Variants in KIRREL3 observed in about 807,000 individuals in gnomAD.
KIRREL3 encodes the protein kirre like nephrin family adhesion molecule 3, also known as kin of IRRE-like protein 3.
A neutral mutation model predicts 89.7 loss-of-function variants in KIRREL3; 36 were observed. That is an observed-to-expected ratio of 0.40 (90% CI 0.31 to 0.53). The LOEUF is 0.53. Ranked by LOEUF, KIRREL3 falls within the 20% of genes least tolerant of loss-of-function variation. The pLI is 0.49. For missense variants in KIRREL3, 864 were observed against 1,056.6 expected (o/e 0.82, Z 2.53); for synonymous variants, 445 against 441.4 (o/e 1.01, Z -0.10).
In KIRREL3 at chr11:126,783,354, C is replaced by T. The variant is rs1565727830; in HGVS notation, c.55+217101G>A. ...TGGTCACATTGGATTAAGGGCTTACCTTACTCCAGTATGACTTCATCCTAA... is the reference window on the plus strand; with the variant it reads ...TGGTCACATTGGATTAAGGGCTTACTTTACTCCAGTATGACTTCATCCTAA... On this transcript the variant is annotated intron_variant, in intron 1 of 16. Transcript: ENST00000525144. The surrounding 1 kb of genome is among the most constrained non-coding windows in gnomAD (Gnocchi z 4.3). 6.6e-6 allele frequency among the ~76,000 whole-genome samples: 1 copy of T among 152,130 alleles called. No individual in the cohort carries two copies. Among genetic ancestry groups the T allele is most frequent in the Non-Finnish European group, 1.5e-5 (1 of 68,034 alleles).
rs919811530 is a variant in KIRREL3 at position 126,797,114 on chromosome 11, G to A, written c.55+203341C>T. On this transcript the variant is annotated intron_variant, in intron 1 of 16. Transcript: ENST00000525144. This position sits in a 1 kb window ranked among gnomAD's most constrained non-coding sequence, Gnocchi z 4.9. ...TTCAGATCCCCCAGAGCCCACATTCGGGGCCACCTGGAGTTAGCAAATCAG... is the reference window on the plus strand; with the variant it reads ...TTCAGATCCCCCAGAGCCCACATTCAGGGCCACCTGGAGTTAGCAAATCAG... Among the ~76,000 whole-genome samples, 6 of 152,140 alleles carry A rather than the reference G, an allele frequency of 3.9e-5. No homozygotes were observed. Among genetic ancestry groups the A allele is most frequent in the African/African-American group, 1.2e-4 (5 of 41,434 alleles).
In KIRREL3 at chr11:126,522,911, G is replaced by A. The variant is rs1591674390; in HGVS notation, c.284-1447C>T. Among the ~76,000 whole-genome samples the A allele has an allele frequency of 6.6e-6, 1 of 152,224 alleles. No homozygotes were observed. ...CCACACAGGGAGTGTTCTCAGACGGGTGCTGTAGGAGGATGAGACGGGACA... is the reference window on the plus strand; with the variant it reads ...CCACACAGGGAGTGTTCTCAGACGGATGCTGTAGGAGGATGAGACGGGACA... On this transcript the variant is annotated intron_variant, in intron 3 of 16. Transcript: ENST00000525144. The surrounding 1 kb of genome is among the most constrained non-coding windows in gnomAD (Gnocchi z 6.0).
intron 4 of KIRREL3, among the ~76,000 whole-genome samples, chr11:126,499,613 CG>C (rs575588248): frequency 5.4e-4 from 82 of 152,364 alleles, no homozygotes; most frequent in African/African-American, 1.9e-3. Flanking sequence ...AAGCATTGCA[CG>C]CCAAACATCC....
chr11:126,480,257 G>T (rs1381407412), intron 4 of KIRREL3, among the ~76,000 whole-genome samples: 2 of 152,172 alleles, frequency 1.3e-5, no homozygotes, highest in Non-Finnish European at 2.9e-5. Flanking sequence ...ATCTTGCAGG[G>T]TTATCATGAG....
chr11:126,858,038 C>T (rs970693250), intron 1 of KIRREL3, among the ~76,000 whole-genome samples: 2 of 152,196 alleles, frequency 1.3e-5, no homozygotes, highest in Non-Finnish European at 2.9e-5. Context: ...CCAGCCAGGT[C>T]CCCACTTACC....
chr11:126,424,858 G>A lies in KIRREL3; in HGVS notation c.2059C>T (p.Arg687Cys), dbSNP rs766786941. 23 of 1,613,808 alleles carry A rather than the reference G, an allele frequency of 1.4e-5. No homozygotes were observed. Among genetic ancestry groups the A allele is most frequent in the African/African-American group, 1.3e-4 (10 of 74,950 alleles). ...NIYSTLSGQGRLYDYGQRFVL... is the reference protein window; with the variant it reads ...NIYSTLSGQGCLYDYGQRFVL... ...AACCGCTGCCCGTAGTCGTAGAGGCGGCCCTGGCCGCTCAGGGTGCTGTAG... is the reference window on the plus strand; with the variant it reads ...AACCGCTGCCCGTAGTCGTAGAGGCAGCCCTGGCCGCTCAGGGTGCTGTAG... Residue 687 changes from arginine to cysteine, a missense_variant, in exon 17 of 17, where the codon CGC becomes TGC. Transcript: ENST00000525144.
At position 126,446,835 on chromosome 11, in the gene KIRREL3, G is replaced by C; in HGVS notation, c.1049C>G (p.Ser350Cys). 6.2e-7 allele frequency: 1 copy of C among 1,603,116 alleles called. No homozygotes were observed. Reference protein sequence around the residue: ...EPQSLLVDLGSDAIFSCAWTG... With the variant: ...EPQSLLVDLGCDAIFSCAWTG... The stretch of plus-strand genomic sequence containing the variant: ...CCAGGCGCAGCTGAAGATGGCATCA[G>C]AGCCCAGATCCACGAGCAAGGATTG... Residue 350 changes from serine (S) to cysteine (C), a missense_variant, in exon 9 of 17, where the codon TCT becomes TGT. By Grantham distance (112) the Ser-to-Cys change is moderately radical (BLOSUM62 -1). Transcript: ENST00000525144.
chr11:126,809,065 T>A (rs1282098050), intron 1 of KIRREL3, among the ~76,000 whole-genome samples: 1 of 152,180 alleles, frequency 6.6e-6, no homozygotes, highest in African/African-American at 2.4e-5. Context: ...CCTCTAATAA[T>A]AAACCCGCAA....
chr11:126,437,829 A>G (rs546437921), intron 11 of KIRREL3, among the ~76,000 whole-genome samples: 2 of 152,284 alleles, frequency 1.3e-5, no homozygotes, highest in East Asian at 3.9e-4. Flanking sequence ...ACTGCAACAC[A>G]TACACACATT....
In KIRREL3 at chr11:126,719,780, C is replaced by A. The variant is rs142443753; in HGVS notation, c.56-156868G>T. 2.4e-3 allele frequency among the ~76,000 whole-genome samples: 371 copies of A among 152,284 alleles called. No individual in the cohort carries two copies. The highest frequency in any genetic ancestry group is 4.0e-3 in the Non-Finnish European group (274 of 68,024). On this transcript the variant is annotated intron_variant, in intron 1 of 16. Transcript: ENST00000525144. The surrounding 1 kb of genome is among the most constrained non-coding windows in gnomAD (Gnocchi z 4.7). ...GACCACTTCTTACAACCTCTGCTGC[C>A]CCCACCCTGGTCCAAGACAGCATCA...
chr11:126,558,337 C>T lies in KIRREL3; in HGVS notation c.133+4498G>A, dbSNP rs1233697486. ...TCTCCCCTGATTTTCTGCAAATCAA[C>T]TCAAGTTTTCCCTGTGTTCTGCCCT... is the stretch of plus-strand genomic sequence containing the variant. On this transcript the variant is annotated intron_variant, in intron 2 of 16. Coordinates refer to ENST00000525144, the MANE Select transcript of KIRREL3 (RefSeq NM_032531.4). This position sits in a 1 kb window ranked among gnomAD's most constrained non-coding sequence, Gnocchi z 4.0. Among the ~76,000 whole-genome samples, 1 of 152,202 alleles carries T rather than the reference C, an allele frequency of 6.6e-6. No homozygotes were observed. Among genetic ancestry groups the T allele is most frequent in the Admixed American group, 6.5e-5 (1 of 15,290 alleles).
rs1950139256 is a variant in KIRREL3, at chr11:126,995,030, A to C, written c.55+5425T>G. The C allele has an allele frequency of 2.7e-6, 1 of 366,958 alleles. No homozygotes were observed. Among genetic ancestry groups the C allele is most frequent in the Non-Finnish European group, 5.4e-6 (1 of 185,576 alleles). 22.7% of individuals were successfully genotyped at this position (366,958 alleles called of 1,614,324 possible). A position where few individuals can be genotyped will look rare whatever the true frequency, so the allele number is the denominator to read the frequency against. On this transcript the variant is annotated intron_variant, in intron 1 of 16. Transcript: ENST00000525144. This position sits in a 1 kb window ranked among gnomAD's most constrained non-coding sequence, Gnocchi z 6.5. ...CTGTGTCTCGGTGCAGTCGATTCTC[A>C]CATCATTCCTCTAACTGGAAATAAA...
intron 1 of KIRREL3, among the ~76,000 whole-genome samples, chr11:126,826,491 C>G (rs1466647387): frequency 6.6e-6 from 1 of 152,146 alleles, no homozygotes; most frequent in Non-Finnish European, 1.5e-5. Flanking sequence ...CATTCTTTCT[C>G]TCCTGTGAAC....
chr11:126,953,263 C>T lies in KIRREL3; in HGVS notation c.55+47192G>A, dbSNP rs1415270437. Among the ~76,000 whole-genome samples the T allele has an allele frequency of 4.6e-5, 7 of 150,712 alleles. No individual in the cohort carries two copies. Among genetic ancestry groups the T allele is most frequent in the Non-Finnish European group, 8.8e-5 (6 of 67,888 alleles). ...AAACCAAATATCACATGTTCTCACTCATAAGTGGGTGTCGAACAATGAGAA... is the reference window on the plus strand; with the variant it reads ...AAACCAAATATCACATGTTCTCACTTATAAGTGGGTGTCGAACAATGAGAA... On this transcript the variant is annotated intron_variant, in intron 1 of 16. Coordinates refer to ENST00000525144, the MANE Select transcript of KIRREL3 (RefSeq NM_032531.4). This position sits in a 1 kb window ranked among gnomAD's most constrained non-coding sequence, Gnocchi z 5.2.
chr11:126,835,558 C>A (rs1216167426), intron 1 of KIRREL3, among the ~76,000 whole-genome samples: 2 of 152,114 alleles, frequency 1.3e-5, no homozygotes, highest in Non-Finnish European at 2.9e-5. Context: ...GTATTGGAGG[C>A]AGAATGAGAA....
At chr11:127,001,831 A>C (rs1488456885), upstream of KIRREL3, among the ~76,000 whole-genome samples, 2 of 152,008 alleles carry the variant, frequency 1.3e-5, no homozygotes, top group African/African-American at 4.8e-5. Context: ...TACACACACA[A>C]GATGCAAACT....
Position 126,731,032 on chromosome 11 carries a change from C to T in KIRREL3, c.56-168120G>A, listed in dbSNP as rs1948598857. 2.0e-5 allele frequency among the ~76,000 whole-genome samples: 3 copies of T among 152,298 alleles called. No homozygotes were observed. In the South Asian group the frequency reaches 6.2e-4, roughly 32 times the overall value. The stretch of plus-strand genomic sequence containing the variant: ...GGGATTACAGGCGTGAGCCACCGCG[C>T]CCAGCCAACATGCAATACTTTTCTA... On this transcript the variant is annotated intron_variant, in intron 1 of 16. Coordinates refer to ENST00000525144, the MANE Select transcript of KIRREL3 (RefSeq NM_032531.4).
rs1950769370 is a variant in KIRREL3, at chr11:126,795,253, G to A, written c.55+205202C>T. Among the ~76,000 whole-genome samples the A allele has an allele frequency of 6.6e-6, 1 of 152,202 alleles. No individual in the cohort carries two copies. Among genetic ancestry groups the A allele is most frequent in the Non-Finnish European group, 1.5e-5 (1 of 68,044 alleles). On this transcript the variant is annotated intron_variant, in intron 1 of 16. Transcript: ENST00000525144. The surrounding 1 kb of genome is among the most constrained non-coding windows in gnomAD (Gnocchi z 4.1). ...ACTAGGGACTTCAATTCATAACAAT[G>A]TATCTATATTGGCTTACCAATGGTA...
intron 1 of KIRREL3, among the ~76,000 whole-genome samples, chr11:126,868,300 G>A (rs1269149690): frequency 6.6e-6 from 1 of 152,212 alleles, no homozygotes; most frequent in Non-Finnish European, 1.5e-5. Context: ...CTGAGGGCTT[G>A]GCTGTGTGGG....
Sources: allele counts gnomAD v4.1 joint callset (sites outside exome capture counted in the v4.1 genomes callset), GRCh38; gene constraint gnomAD v4.1.1; non-coding constraint Gnocchi (gnomAD v3.1); transcripts MANE v1.5; gene names NCBI Gene and HGNC (gene_info 2026-07-23, HGNC 2026-07-21).